The following CRNKL1 variants were observed in gnomAD, a reference collection of about 807,000 sequenced individuals.
CRNKL1 encodes crooked neck-like protein 1.
CRNKL1 carries 35 observed loss-of-function variants against 103.7 expected under a neutral mutation model. The ratio of observed to expected loss-of-function variants is 0.34; its 90% CI spans 0.26 to 0.45. The LOEUF is 0.45. Ranked by LOEUF, CRNKL1 falls within the 20% of genes least tolerant of loss-of-function variation. The pLI is 1.00. For missense variants in CRNKL1, 645 were observed against 836.0 expected, an observed-to-expected ratio of 0.77 and a Z score of 2.82; for synonymous variants, 267 against 282.6, an observed-to-expected ratio of 0.94 and a Z score of 0.55.
intron 6 of CRNKL1, 115 bp from the exon 7 acceptor site, chr20:20,043,777 T>G: frequency 1.1e-6 from 1 of 910,254 alleles, no homozygotes; most frequent in Non-Finnish European, 1.7e-6. Flanking sequence ...GGCCTCATAA[T>G]ATCCAGAGTA....
intron 9 of CRNKL1, 103 bp from the exon 10 acceptor site, chr20:20,040,869 C>A: frequency 1.3e-6 from 1 of 777,436 alleles, no homozygotes; most frequent in Non-Finnish European, 2.1e-6. Context: ...AATTCGATTT[C>A]TCTAAAACTT....
chr20:20,049,257 G>C (rs1255894334), intron 3 of CRNKL1, 83 bp downstream of exon 3: 1 of 829,540 alleles, frequency 1.2e-6, no homozygotes, highest in Non-Finnish European at 1.9e-6. Context: ...TTTTACCTGT[G>C]CTTTAACTTT....
At position 20,050,459 on chromosome 20, in the gene CRNKL1, C is replaced by T. The variant is rs747139534; in HGVS notation, c.204+11G>A. ...ACAATTAGTGGACTGAAAGATACCA[C>T]ACTGACTGACCTTCCTTTTCCTTAG... On this transcript the variant is annotated intron_variant, in intron 2 of 13. Transcript: ENST00000536226. 3.7e-6 allele frequency: 6 copies of T among 1,610,940 alleles called. No individual in the cohort carries two copies. The highest frequency in any genetic ancestry group is 5.1e-6 in the Non-Finnish European group (6 of 1,178,534).
At position 20,039,864 on chromosome 20, in the gene CRNKL1, A is replaced by C. The variant is rs769310233; in HGVS notation, c.1306-16T>G. 7 of 1,611,836 alleles carry C rather than the reference A, an allele frequency of 4.3e-6. No homozygotes were observed. The highest frequency in any genetic ancestry group is 5.1e-6 in the Non-Finnish European group (6 of 1,179,436). On this transcript the variant is annotated splice_polypyrimidine_tract_variant and intron_variant, in intron 10 of 13. Coordinates refer to ENST00000536226, the MANE Select transcript of CRNKL1 (RefSeq NM_001278628.2). The stretch of plus-strand genomic sequence containing the variant: ...TGGAAGTTCCCTGGAAAATAAAATA[A>C]CCAGACCACTGTGATACTGTAGTGG...
rs2043417136 is a variant in CRNKL1, at chr20:20,036,248, T to C, written c.2011A>G (p.Lys671Glu). ...AKLWKKQQQE[K>E]EDAEHHPDED... ...TCTGGATGGTGCTCAGCATCCTCCT[T>C]TTCCTGCTGCTGTTTCTTCCACAGT... The change falls in exon 14 of 14, where the codon AAG becomes GAG. Residue 671 changes from lysine to glutamate, a missense_variant. By Grantham distance (56) the Lys-to-Glu change is moderately conservative. Around this residue, in one of 2 missense-constraint regions of CRNKL1, gnomAD observed 582 missense variants for 707.7 expected, o/e 0.82. Coordinates refer to ENST00000536226, the MANE Select transcript of CRNKL1 (RefSeq NM_001278628.2). 6.2e-7 allele frequency: 1 copy of C among 1,614,108 alleles called. No individual in the cohort carries two copies.
At chr20:20,048,659 C>T (rs147845985) in intron 3 of CRNKL1, among the ~76,000 whole-genome samples, 158 bp from the exon 4 acceptor site, 321 of 152,220 alleles carry the variant, frequency 2.1e-3, no homozygotes, top group African/African-American at 7.5e-3. Context: ...TCTCAAGTAC[C>T]TTACAAAGTC....
chr20:20,034,642 T>TAAG lies in CRNKL1; in HGVS notation c.*1550_*1552dup, dbSNP rs2043390150. On this transcript the variant is annotated 3_prime_UTR_variant, in exon 14 of 14. Coordinates refer to ENST00000536226, the MANE Select transcript of CRNKL1 (RefSeq NM_001278628.2). Reference sequence around the variant, plus strand: ...TGACTCTGGGTGAGCCAAAGGCTATTAAGATGATGTTCTCCTGCTCACTCA... The same window carrying TAAG: ...TGACTCTGGGTGAGCCAAAGGCTATTAAGAAGATGATGTTCTCCTGCTCACTCA... 1 of 152,208 alleles carries TAAG rather than the reference T, an allele frequency of 6.6e-6. No individual in the cohort carries two copies. The highest frequency in any genetic ancestry group is 2.4e-5 in the African/African-American group (1 of 41,434). 9.4% of individuals were successfully genotyped at this position (152,208 alleles called of 1,614,324 possible). A position where few individuals can be genotyped will look rare whatever the true frequency, so the allele number is the denominator to read the frequency against.
chr20:20,050,357 C>T, intron 2 of CRNKL1, 113 bp downstream of exon 2: 1 of 857,028 alleles, frequency 1.2e-6, no homozygotes, highest in Non-Finnish European at 1.8e-6. Flanking sequence ...ATTCATGCGT[C>T]TGGAAACACT....
chr20:20,043,599 C>T lies in CRNKL1; in HGVS notation c.865G>A (p.Glu289Lys). ...AAGATGGTATAATTTTTAAAGAGTT[C>T]TTGGGCATCTTGTTTTGAAATTCTG... ...LDRISKQDAQ[E>K]LFKNYTIFEK... The change falls in exon 7 of 14, where the codon GAA becomes AAA. Residue 289 changes from glutamate to lysine, a missense_variant. Glu to Lys is a moderately conservative substitution (Grantham distance 56). Transcript: ENST00000536226. 2 of 1,614,066 alleles carry T rather than the reference C, an allele frequency of 1.2e-6. No individual in the cohort carries two copies. The highest frequency in any genetic ancestry group is 2.2e-5 in the South Asian group (2 of 91,082).
Position 20,034,575 on chromosome 20 carries a change from A to AT in CRNKL1, c.*1619dup, listed in dbSNP as rs1568753173. 1 of 151,564 alleles carries AT rather than the reference A, an allele frequency of 6.6e-6. No homozygotes were observed. The highest frequency in any genetic ancestry group is 2.4e-5 in the African/African-American group (1 of 41,128). The allele number at this position is 151,564 out of a possible 1,614,324, so 9.4% of individuals were successfully genotyped here. On this transcript the variant is annotated 3_prime_UTR_variant, in exon 14 of 14. Transcript: ENST00000536226. ...AACAGATAATTCTAGGAAGACTGTG[A>AT]TTAAGTCACTTGCATTCTGACCTAT... is the stretch of plus-strand genomic sequence containing the variant.
chr20:20,053,441 A>G (rs1467268523), upstream of CRNKL1, among the ~76,000 whole-genome samples: 2 of 152,184 alleles, frequency 1.3e-5, no homozygotes, highest in African/African-American at 4.8e-5. Context: ...ATTATCACCC[A>G]AAGTTCATAG....
At chr20:20,037,280 C>T (rs2043435146) in intron 13 of CRNKL1, 43 bp downstream of exon 13, 1 of 1,587,576 alleles carries the variant, frequency 6.3e-7, no homozygotes, top group Admixed American at 1.8e-5. Flanking sequence ...AGTGTTTCTA[C>T]TCATGTGACG....
rs1421815540 is a variant in CRNKL1, at chr20:20,035,159, A to G, written c.*1036T>C. 2 of 152,232 alleles carry G rather than the reference A, an allele frequency of 1.3e-5. No homozygotes were observed. Among genetic ancestry groups the G allele is most frequent in the Non-Finnish European group, 2.9e-5 (2 of 68,036 alleles). 9.4% of individuals were successfully genotyped at this position (152,232 alleles called of 1,614,324 possible). ...AAACCAAGAGTAAGTTTAACATGTC[A>G]GCAGTGAGGAGTAGACATTTTCTAC... On this transcript the variant is annotated 3_prime_UTR_variant, in exon 14 of 14. Transcript: ENST00000536226.
intron 12 of CRNKL1, 24 bp from the exon 13 acceptor site, chr20:20,037,595 C>T: frequency 1.9e-6 from 3 of 1,602,732 alleles, no homozygotes; most frequent in South Asian, 1.1e-5. Context: ...TATTATTGAA[C>T]CAAATTAACC....
chr20:20,047,282 T>C (rs1208473118), intron 5 of CRNKL1, among the ~76,000 whole-genome samples: 2 of 152,228 alleles, frequency 1.3e-5, no homozygotes, highest in African/African-American at 4.8e-5. Context: ...GTATTGAACA[T>C]GTCGTTTTTT....
intron 7 of CRNKL1, among the ~76,000 whole-genome samples, chr20:20,042,772 G>A (rs1025587165): frequency 2.0e-5 from 3 of 152,166 alleles, no homozygotes; most frequent in Non-Finnish European, 2.9e-5. Flanking sequence ...TCACTCTCAC[G>A]ACAGTCAATA....
At chr20:20,051,145 G>A (rs2043711993) in intron 1 of CRNKL1, among the ~76,000 whole-genome samples, 1 of 152,174 alleles carries the variant, frequency 6.6e-6, no homozygotes, top group Non-Finnish European at 1.5e-5. Context: ...GTAGCTTAGA[G>A]CTGTGCTGTC....
chr20:20,039,931 T>A, intron 10 of CRNKL1, 83 bp from the exon 11 acceptor site: 1 of 1,410,324 alleles, frequency 7.1e-7, no homozygotes, highest in Non-Finnish European at 9.7e-7. Flanking sequence ...GAGGCTGTTC[T>A]CTGCTGAGGA....
intron 12 of CRNKL1, 87 bp downstream of exon 12, chr20:20,038,260 ACC>A: frequency 5.0e-6 from 4 of 806,784 alleles, no homozygotes; most frequent in Non-Finnish European, 7.8e-6. Context: ...AAAAACAAAA[ACC>A]CAAACACTTA....
Sources: gnomAD v4.1 joint callset for allele counts (sites outside exome capture counted in the v4.1 genomes callset) on GRCh38, gnomAD v4.1.1 for gene constraint, gnomAD v4.1.1 regional missense constraint, MANE v1.5 for transcripts, NCBI Gene and HGNC (gene_info 2026-07-23, HGNC 2026-07-21) for gene names.